PRKAG2: variants seen among roughly 807,000 people sequenced by gnomAD.
PRKAG2 encodes protein kinase AMP-activated non-catalytic subunit gamma 2, also known as 5'-AMP-activated protein kinase subunit gamma-2.
In PRKAG2, 26 loss-of-function variants were observed where a neutral mutation model predicts 69.6. The observed-to-expected ratio is 0.37, with a 90% CI of 0.27 to 0.52. The LOEUF is 0.52. PRKAG2 is among the 20% of genes least tolerant of loss of function. PRKAG2 has a pLI of 0.90. For synonymous variants in PRKAG2, 293 were observed against 285.0 expected (o/e 1.03, Z -0.28); for missense variants, 557 against 740.0 (o/e 0.75, Z 2.87).
chr7:151,706,906 T>C (rs114166988), intron 3 of PRKAG2, among the ~76,000 whole-genome samples: 7,527 of 152,214 alleles, frequency 0.049, 490 homozygotes, highest in African/African-American at 0.15. Context: ...GGCACTCAAA[T>C]ACACCCTCCA....
intron 4 of PRKAG2, among the ~76,000 whole-genome samples, chr7:151,673,562 G>A (rs1832409880): frequency 6.6e-6 from 1 of 152,178 alleles, no homozygotes; most frequent in Non-Finnish European, 1.5e-5. Context: ...ACAATAACTT[G>A]CAGTTTAACC....
chr7:151,871,178 T>C lies in PRKAG2; in HGVS notation c.114+5329A>G, dbSNP rs532040712. Among the ~76,000 whole-genome samples the C allele has an allele frequency of 3.3e-5, 5 of 152,312 alleles. No individual in the cohort carries two copies. In the East Asian group the frequency reaches 5.8e-4, roughly 18 times the overall value. ...TGGGGTCTATGAACTTTAGCACTAA[T>C]AGGGAAGCTGCTTTTTCTTAGACCG... On this transcript the variant is annotated intron_variant, in intron 1 of 15. Transcript: ENST00000287878.
intron 5 of PRKAG2, among the ~76,000 whole-genome samples, chr7:151,630,390 A>T (rs1248762986): frequency 1.3e-5 from 2 of 152,362 alleles, no homozygotes; most frequent in African/African-American, 4.8e-5. Context: ...AATTCAGTAC[A>T]ATGCTTAATG....
intron 3 of PRKAG2, among the ~76,000 whole-genome samples, chr7:151,742,994 G>A (rs1411417421): frequency 6.6e-6 from 1 of 152,134 alleles, no homozygotes; most frequent in African/African-American, 2.4e-5. Context: ...ACGTGGGCGG[G>A]GGAAAGTTGA....
intron 6 of PRKAG2, among the ~76,000 whole-genome samples, chr7:151,588,629 G>C (rs1203382639): frequency 6.6e-6 from 1 of 152,052 alleles, no homozygotes; most frequent in Non-Finnish European, 1.5e-5. Flanking sequence ...CAAAGTGCTG[G>C]GATTACAGGC....
In PRKAG2 at chr7:151,771,039, A is replaced by T; in HGVS notation, c.466+10113T>A. On this transcript the variant is annotated intron_variant, in intron 3 of 15. Transcript: ENST00000287878. The surrounding 1 kb of genome is among the most constrained non-coding windows in gnomAD (Gnocchi z 4.0). ...ATTGCAGAAATTATGCCAAAGCATG[A>T]TCAAATTATCTGCCCACAATGTATA... Among the ~76,000 whole-genome samples the T allele has an allele frequency of 6.6e-6, 1 of 152,212 alleles. No individual in the cohort carries two copies. Among genetic ancestry groups the T allele is most frequent in the East Asian group, 1.9e-4 (1 of 5,198 alleles).
chr7:151,787,124 A>C (rs1456804022), intron 1 of PRKAG2, among the ~76,000 whole-genome samples: 1 of 152,216 alleles, frequency 6.6e-6, no homozygotes, highest in African/African-American at 2.4e-5. Context: ...CCTCCACACC[A>C]GGCAGAATCC....
chr7:151,677,605 A>G (rs1833147524), intron 3 of PRKAG2, among the ~76,000 whole-genome samples: 1 of 152,254 alleles, frequency 6.6e-6, no homozygotes, highest in Non-Finnish European at 1.5e-5. Flanking sequence ...CATGTAGCCT[A>G]GAGCTGCCTC....
In PRKAG2 at chr7:151,572,717, TA is replaced by T. The variant is rs775574266; in HGVS notation, c.1006-9del. On this transcript the variant is annotated splice_polypyrimidine_tract_variant and intron_variant, in intron 8 of 15. Coordinates refer to ENST00000287878, the MANE Select transcript of PRKAG2 (RefSeq NM_016203.4). ...TAATTCATAAATCTGTACCTGCAAA[TA>T]AAAAAATTCTTATTTATAAATATAC... 4 of 1,547,206 alleles carry T rather than the reference TA, an allele frequency of 2.6e-6. No homozygotes were observed. Among genetic ancestry groups the T allele is most frequent in the Admixed American group, 1.7e-5 (1 of 58,404 alleles).
chr7:151,873,388 A>T (rs1476720368), intron 1 of PRKAG2, among the ~76,000 whole-genome samples: 1 of 152,194 alleles, frequency 6.6e-6, no homozygotes, highest in African/African-American at 2.4e-5. Flanking sequence ...TGGCCATCGT[A>T]TGACCCTGGA....
At chr7:151,830,856 C>T (rs1463571666) in intron 1 of PRKAG2, among the ~76,000 whole-genome samples, 2 of 151,844 alleles carry the variant, frequency 1.3e-5, no homozygotes, top group East Asian at 3.9e-4. Flanking sequence ...ACATGTTGTG[C>T]TCTCTCACCT....
intron 4 of PRKAG2, among the ~76,000 whole-genome samples, chr7:151,636,347 C>T (rs1288907537): frequency 6.6e-6 from 1 of 152,142 alleles, no homozygotes; most frequent in Admixed American, 6.5e-5. Flanking sequence ...CATCCCTAGG[C>T]AACTATTTCC....
At chr7:151,689,264 C>T (rs1404753616) in intron 3 of PRKAG2, among the ~76,000 whole-genome samples, 3 of 152,190 alleles carry the variant, frequency 2.0e-5, no homozygotes, top group Non-Finnish European at 1.5e-5. Flanking sequence ...CACAATGGTC[C>T]CATTCCTGAG....
chr7:151,767,809 T>G (rs1160696897), intron 3 of PRKAG2, among the ~76,000 whole-genome samples: 3 of 152,254 alleles, frequency 2.0e-5, no homozygotes, highest in Non-Finnish European at 4.4e-5. Context: ...GTTTCTGTCT[T>G]AGACCTGCTC....
At chr7:151,704,395 AG>A (rs1010960360) in intron 3 of PRKAG2, among the ~76,000 whole-genome samples, 13 of 152,142 alleles carry the variant, frequency 8.5e-5, no homozygotes, top group African/African-American at 2.9e-4. Flanking sequence ...CTTTTGCTTC[AG>A]GCTTCTCTTG....
chr7:151,556,745 T>A lies in PRKAG2; in HGVS notation c.*456A>T, dbSNP rs1415149197. 6.3e-6 allele frequency: 1 copy of A among 159,898 alleles called. No individual in the cohort carries two copies. Among genetic ancestry groups the A allele is most frequent in the Non-Finnish European group, 1.4e-5 (1 of 72,174 alleles). The allele number at this position is 159,898 out of a possible 1,614,324, so 9.9% of individuals were successfully genotyped here. A position where few individuals can be genotyped will look rare whatever the true frequency, so the allele number is the denominator to read the frequency against. ...GACAAATCTAAAGAAAACAAACTGA[T>A]TTGGTAAAAGGTTCAAAGACTTCCA... On this transcript the variant is annotated 3_prime_UTR_variant, in exon 16 of 16. Coordinates refer to ENST00000287878, the MANE Select transcript of PRKAG2 (RefSeq NM_016203.4).
At chr7:151,864,551 C>T (rs1282712451) in intron 1 of PRKAG2, among the ~76,000 whole-genome samples, 2 of 152,252 alleles carry the variant, frequency 1.3e-5, no homozygotes, top group Non-Finnish European at 2.9e-5. Context: ...CAGCATTTCC[C>T]TCTGTCTTTG....
chr7:151,586,979 G>A (rs922006751), intron 6 of PRKAG2, among the ~76,000 whole-genome samples: 1 of 152,090 alleles, frequency 6.6e-6, no homozygotes, highest in African/African-American at 2.4e-5. Flanking sequence ...TGGCCAACAC[G>A]GTGAAACCAA....
chr7:151,701,424 T>C (rs1218223177), intron 3 of PRKAG2, among the ~76,000 whole-genome samples: 1 of 152,198 alleles, frequency 6.6e-6, no homozygotes, highest in Non-Finnish European at 1.5e-5. Context: ...CAAGTTGAGA[T>C]GAGGTCATAC....
Sources: gnomAD v4.1 joint callset for allele counts (sites outside exome capture counted in the v4.1 genomes callset) on GRCh38, gnomAD v4.1.1 for gene constraint, Gnocchi (gnomAD v3.1) non-coding constraint, MANE v1.5 for transcripts, NCBI Gene and HGNC (gene_info 2026-07-23, HGNC 2026-07-21) for gene names.